The following CNTNAP5 variants were observed in gnomAD, a reference collection of about 807,000 sequenced individuals.
CNTNAP5 encodes contactin associated protein family member 5.
A neutral mutation model predicts 150.2 loss-of-function variants in CNTNAP5; 72 were observed. The observed-to-expected ratio is 0.48, with a 90% CI of 0.40 to 0.58. The LOEUF (loss-of-function observed/expected upper bound fraction) is 0.58, where lower values mean the gene tolerates loss of function less well. CNTNAP5 is among the 20% of genes least tolerant of loss of function. The pLI is 0.00. For synonymous variants in CNTNAP5, 672 were observed against 619.8 expected (o/e 1.08, Z -1.25); for missense variants, 1,636 against 1,626.2 (o/e 1.01, Z -0.10).
chr2:124,450,632 T>C (rs1692946283), intron 6 of CNTNAP5, among the ~76,000 whole-genome samples: 1 of 149,500 alleles, frequency 6.7e-6, no homozygotes, highest in African/African-American at 2.5e-5. Context: ...TCAGTTTACA[T>C]CACTTAACCC....
chr2:124,504,792 C>T (rs943709208), intron 8 of CNTNAP5, among the ~76,000 whole-genome samples: 3 of 150,602 alleles, frequency 2.0e-5, no homozygotes, highest in African/African-American at 2.5e-5. Context: ...CTGCAACCTC[C>T]GACTCCTGGG....
chr2:124,446,004 C>T (rs1406920666), intron 5 of CNTNAP5, among the ~76,000 whole-genome samples: 1 of 152,056 alleles, frequency 6.6e-6, no homozygotes, highest in African/African-American at 2.4e-5. Flanking sequence ...GCCTTTCCAG[C>T]TGCATCTCTC....
intron 3 of CNTNAP5, among the ~76,000 whole-genome samples, chr2:124,308,270 C>T (rs982413556): frequency 2.6e-5 from 4 of 151,802 alleles, no homozygotes; most frequent in African/African-American, 9.7e-5. Flanking sequence ...CCTAAACTGC[C>T]AGTCTTGGTC....
chr2:124,591,300 A>C (rs918910973), intron 11 of CNTNAP5, among the ~76,000 whole-genome samples: 2 of 152,128 alleles, frequency 1.3e-5, no homozygotes, highest in African/African-American at 4.8e-5. Context: ...CTTCAATGCT[A>C]ATTTAGAGCT....
chr2:124,815,008 T>A (rs1682330394), intron 19 of CNTNAP5, among the ~76,000 whole-genome samples: 1 of 152,102 alleles, frequency 6.6e-6, no homozygotes, highest in African/African-American at 2.4e-5. Context: ...CAAATGAGAT[T>A]AGAGATGAAG....
chr2:124,066,491 C>A (rs958655167), intron 1 of CNTNAP5, among the ~76,000 whole-genome samples: 1 of 152,026 alleles, frequency 6.6e-6, no homozygotes, highest in Non-Finnish European at 1.5e-5. Context: ...GGCATACATT[C>A]TTCTATGTGG....
intron 1 of CNTNAP5, among the ~76,000 whole-genome samples, chr2:124,220,031 C>T (rs1686264346): frequency 6.6e-6 from 1 of 151,958 alleles, no homozygotes; most frequent in Non-Finnish European, 1.5e-5. Context: ...TTTTTTAATA[C>T]ACTTAATGAA....
chr2:124,469,213 A>G (rs1050109729), intron 6 of CNTNAP5, among the ~76,000 whole-genome samples: 1 of 152,112 alleles, frequency 6.6e-6, no homozygotes, highest in Admixed American at 6.6e-5. Flanking sequence ...GGAAACTACA[A>G]TTTTTTAGTA....
chr2:124,916,543 C>A lies in CNTNAP5; in HGVS notation c.*2255C>A, dbSNP rs1003318563. Among the ~76,000 whole-genome samples the A allele has an allele frequency of 1.3e-5, 2 of 152,078 alleles. No homozygotes were observed. The highest frequency in any genetic ancestry group is 2.4e-5 in the African/African-American group (1 of 41,446). ...GAAGGTATGAGTAATAAAGCTGGAA[C>A]TCTTCATTATTCAATCTTTGAGCAG... On this transcript the variant is annotated 3_prime_UTR_variant, in exon 24 of 24. Transcript: ENST00000682447.
chr2:124,170,580 C>A (rs550015261), intron 1 of CNTNAP5, among the ~76,000 whole-genome samples: 4 of 152,232 alleles, frequency 2.6e-5, no homozygotes, highest in African/African-American at 9.6e-5. Flanking sequence ...ACTACAGGGC[C>A]TTTTAAGGAG....
At chr2:124,691,569 A>G (rs1410716278) in intron 13 of CNTNAP5, among the ~76,000 whole-genome samples, 1 of 152,074 alleles carries the variant, frequency 6.6e-6, no homozygotes, top group African/African-American at 2.4e-5. Flanking sequence ...TTTCAGGCTC[A>G]TTTATCTCAT....
chr2:124,188,815 T>C (rs955647005), intron 1 of CNTNAP5, among the ~76,000 whole-genome samples: 1 of 151,230 alleles, frequency 6.6e-6, no homozygotes, highest in Non-Finnish European at 1.5e-5. Flanking sequence ...CGGAGGGTTA[T>C]CTCAGCACCA....
At chr2:124,895,846 C>T (rs1678293194) in intron 21 of CNTNAP5, among the ~76,000 whole-genome samples, 1 of 151,086 alleles carries the variant, frequency 6.6e-6, no homozygotes, top group South Asian at 2.1e-4. Context: ...AGGAAGGTGC[C>T]CAAGGAAGTC....
At chr2:124,231,324 C>T (rs1686613079) in intron 2 of CNTNAP5, among the ~76,000 whole-genome samples, 1 of 152,124 alleles carries the variant, frequency 6.6e-6, no homozygotes, top group African/African-American at 2.4e-5. Flanking sequence ...TCTGTCATCA[C>T]TTCAGTACTC....
intron 3 of CNTNAP5, among the ~76,000 whole-genome samples, chr2:124,302,725 C>G (rs1458379566): frequency 6.6e-6 from 1 of 152,168 alleles, no homozygotes; most frequent in Non-Finnish European, 1.5e-5. Context: ...GAGATACCAG[C>G]AAGCCACAGT....
Position 124,871,850 on chromosome 2 carries a change from T to A in CNTNAP5, c.3436+2088T>A, listed in dbSNP as rs148893283. On this transcript the variant is annotated intron_variant, in intron 21 of 23. Transcript: ENST00000682447. The stretch of plus-strand genomic sequence containing the variant: ...GTTCGCTATGTCATATGTATCTATG[T>A]ATCCAGTTCCTATTTATTATTCATA... Among the ~76,000 whole-genome samples the A allele has an allele frequency of 5.3e-4, 80 of 152,254 alleles. 2 individuals are homozygous for A. The East Asian group carries it at 0.013, about 25-fold the overall frequency.
chr2:124,566,294 G>A lies in CNTNAP5; in HGVS notation c.1756+2971G>A, dbSNP rs538299326. On this transcript the variant is annotated intron_variant, in intron 11 of 23. Coordinates refer to ENST00000682447, the MANE Select transcript of CNTNAP5 (RefSeq NM_001367498.1). ...AGCCAAATCACATTACAACATTCCCGTGACTGTTAAAGCTTATTCCGCTCA... is the reference window on the plus strand; with the variant it reads ...AGCCAAATCACATTACAACATTCCCATGACTGTTAAAGCTTATTCCGCTCA... Among the ~76,000 whole-genome samples, 19 of 152,210 alleles carry A rather than the reference G, an allele frequency of 1.2e-4. No homozygotes were observed. The South Asian group carries it at 1.5e-3, about 12-fold the overall frequency.
intron 18 of CNTNAP5, among the ~76,000 whole-genome samples, chr2:124,791,423 T>G (rs1438675576): frequency 6.6e-6 from 1 of 152,170 alleles, no homozygotes; most frequent in East Asian, 1.9e-4. Flanking sequence ...ACAAGTAAAG[T>G]GCTGCTAGGT....
At chr2:124,523,969 T>G (rs1694907194) in intron 8 of CNTNAP5, among the ~76,000 whole-genome samples, 1 of 152,128 alleles carries the variant, frequency 6.6e-6, no homozygotes, top group Non-Finnish European at 1.5e-5. Context: ...TTTGTTTTTT[T>G]TTTTTCCTCT....
Sources: allele counts gnomAD v4.1 joint callset (sites outside exome capture counted in the v4.1 genomes callset), GRCh38; gene constraint gnomAD v4.1.1; transcripts MANE v1.5; gene names NCBI Gene and HGNC (gene_info 2026-07-23, HGNC 2026-07-21).